The following PCDHGA3 variants were observed in gnomAD, a reference collection of about 807,000 sequenced individuals.
The protein encoded by PCDHGA3 is protocadherin gamma subfamily A, 3.
PCDHGA3 carries 40 observed loss-of-function variants against 58.5 expected under a neutral mutation model. That is an observed-to-expected ratio of 0.68 (90% confidence interval 0.53 to 0.89). The LOEUF (loss-of-function observed/expected upper bound fraction) is 0.89, where lower values mean the gene tolerates loss of function less well. Among genes scored for constraint, PCDHGA3 ranks in the 40% least tolerant of loss-of-function variants. PCDHGA3 has a pLI of 0.00. For synonymous variants in PCDHGA3, 530 were observed against 525.7 expected (o/e 1.01, Z -0.11); for missense variants, 1,223 against 1,195.9 (o/e 1.02, Z -0.33).
At position 141,492,010 on chromosome 5, in the gene PCDHGA3, G is replaced by A. The variant is rs2099736138; in HGVS notation, c.2425-2797G>A. 2 of 617,370 alleles carry A rather than the reference G, an allele frequency of 3.2e-6. 1 individual carries two copies. Among genetic ancestry groups the A allele is most frequent in the Middle Eastern group, 8.7e-4 (2 of 2,312 alleles). The allele number at this position is 617,370 out of a possible 1,614,324, so 38.2% of individuals were successfully genotyped here. On this transcript the variant is annotated intron_variant, in intron 1 of 3. Transcript: ENST00000253812. Reference sequence around the variant, plus strand: ...GGTGAATTTCGGGCGATTTCCGCGGGTGTCGGGGGTCCCGGGAGGAGGCAG... The same window carrying A: ...GGTGAATTTCGGGCGATTTCCGCGGATGTCGGGGGTCCCGGGAGGAGGCAG...
intron 1 of PCDHGA3, among the ~76,000 whole-genome samples, chr5:141,445,544 T>C (rs1223868698): frequency 6.6e-6 from 1 of 152,126 alleles, no homozygotes; most frequent in Non-Finnish European, 1.5e-5. Context: ...CAAGGAGAAA[T>C]ACAAAAGCAC....
At chr5:141,492,448 G>T (rs2734874) in intron 1 of PCDHGA3, among the ~76,000 whole-genome samples, 50 of 152,334 alleles carry the variant, frequency 3.3e-4, no homozygotes, top group African/African-American at 1.2e-3. Context: ...GTAGCTGATT[G>T]TGCGCGCCTG....
chr5:141,481,868 C>A (rs983373194), intron 1 of PCDHGA3, among the ~76,000 whole-genome samples: 4 of 147,412 alleles, frequency 2.7e-5, no homozygotes, highest in African/African-American at 1.0e-4. Flanking sequence ...GAGCCGAGAT[C>A]GCGCCACTGC....
rs114492681 is a variant in PCDHGA3, at chr5:141,408,401, C to A, written c.2424+61944C>A. 1.5e-3 allele frequency: 2,364 copies of A among 1,614,010 alleles called. 32 individuals are homozygous for A. The African/African-American group carries it at 0.028, about 19-fold the overall frequency. On this transcript the variant is annotated intron_variant, in intron 1 of 3. Coordinates refer to ENST00000253812, the MANE Select transcript of PCDHGA3 (RefSeq NM_018916.4). ...CCTGGATGTGTCGGCTCGCAAGCTG[C>A]GAGTGAGCGCGGAGAAGCTGCACTT...
rs758673205 is a variant in PCDHGA3, at chr5:141,376,309, CGT to C, written c.2424+29854_2424+29855del. The C allele has an allele frequency of 7.2e-5, 117 of 1,614,148 alleles. No homozygotes were observed. The South Asian group carries it at 1.3e-3, about 17-fold the overall frequency. ...GCATGCCCGGCTCGCACTTTGTGGG[CGT>C]GGAAGGGGTTCGGGCTTTCCTGCAG... On this transcript the variant is annotated intron_variant, in intron 1 of 3. Coordinates refer to ENST00000253812, the MANE Select transcript of PCDHGA3 (RefSeq NM_018916.4).
intron 1 of PCDHGA3, chr5:141,350,441 A>G (rs754364956): frequency 1.9e-6 from 3 of 1,610,584 alleles, no homozygotes; most frequent in Non-Finnish European, 2.5e-6. Context: ...GGAGTTGCCA[A>G]CTCGAAAACT....
intron 1 of PCDHGA3, chr5:141,411,017 A>C (rs140607036): frequency 6.2e-6 from 1 of 162,372 alleles, no homozygotes; most frequent in Non-Finnish European, 1.3e-5. Context: ...CCACAGCTAA[A>C]TTTTTTGTAT....
chr5:141,387,303 A>C (rs563124332), intron 1 of PCDHGA3, among the ~76,000 whole-genome samples: 1 of 152,334 alleles, frequency 6.6e-6, no homozygotes, highest in East Asian at 1.9e-4. Context: ...TATCCAGTAT[A>C]TTTCTAATGA....
At position 141,343,954 on chromosome 5, in the gene PCDHGA3, C is replaced by T; in HGVS notation, c.-80C>T. On this transcript the variant is annotated 5_prime_UTR_variant, in exon 1 of 4. Transcript: ENST00000253812. ...TGTGAATTAGGCCCGTAAAAGACTTCGTTTCTTGAGAAAATAAGATTGGAG... is the reference window on the plus strand; with the variant it reads ...TGTGAATTAGGCCCGTAAAAGACTTTGTTTCTTGAGAAAATAAGATTGGAG... 2 of 1,327,930 alleles carry T rather than the reference C, an allele frequency of 1.5e-6. No individual in the cohort carries two copies. Among genetic ancestry groups the T allele is most frequent in the Non-Finnish European group, 2.0e-6 (2 of 979,488 alleles). 82.3% of individuals were successfully genotyped at this position (1,327,930 alleles called of 1,614,324 possible).
At chr5:141,428,400 G>C (rs373595231) in intron 1 of PCDHGA3, 4 of 483,290 alleles carry the variant, frequency 8.3e-6, no homozygotes, top group African/African-American at 2.0e-5. Flanking sequence ...CCTCTGCCTG[G>C]GGTTGCTTTC....
At chr5:141,387,385 T>C (rs998102373) in intron 1 of PCDHGA3, among the ~76,000 whole-genome samples, 4 of 152,206 alleles carry the variant, frequency 2.6e-5, no homozygotes, top group African/African-American at 9.6e-5. Flanking sequence ...TTTATATAGA[T>C]AGTGCATGTT....
intron 1 of PCDHGA3, among the ~76,000 whole-genome samples, chr5:141,460,653 GT>G (rs2098994590): frequency 6.6e-6 from 1 of 151,844 alleles, no homozygotes; most frequent in Admixed American, 6.6e-5. Context: ...TTACACATAT[GT>G]AACTGTAAAC....
At chr5:141,502,216 A>G (rs957759583) in intron 2 of PCDHGA3, among the ~76,000 whole-genome samples, 3 of 152,334 alleles carry the variant, frequency 2.0e-5, no homozygotes, top group Admixed American at 6.5e-5. Context: ...GCAGATTTTC[A>G]TAAATGTTCT....
chr5:141,406,288 G>A (rs72790038), intron 1 of PCDHGA3, among the ~76,000 whole-genome samples: 9,719 of 151,928 alleles, frequency 0.064, 366 homozygotes, highest in African/African-American at 0.1. Context: ...CCAAAGCACT[G>A]GGTGAGGTGT....
chr5:141,383,695 G>T (rs373055594), intron 1 of PCDHGA3: 1 of 1,613,974 alleles, frequency 6.2e-7, no homozygotes, highest in Non-Finnish European at 8.5e-7. Context: ...CACGGTACAT[G>T]CTATCGACCT....
chr5:141,408,379 G>T (rs2095093592), intron 1 of PCDHGA3: 13 of 1,613,914 alleles, frequency 8.1e-6, no homozygotes, highest in Non-Finnish European at 1.1e-5. Context: ...TCAGTGTCCT[G>T]GATGTGTCGG....
At position 141,431,954 on chromosome 5, in the gene PCDHGA3, G is replaced by A. The variant is rs912037044; in HGVS notation, c.2425-62853G>A. 6.2e-7 allele frequency: 1 copy of A among 1,613,992 alleles called. No individual in the cohort carries two copies. Among genetic ancestry groups the A allele is most frequent in the African/African-American group, 1.3e-5 (1 of 74,896 alleles). ...GCCCTTTAAATTAGAAAAATCTTAC[G>A]GAAATTACTATAGTTTAGTCACAGA... is the stretch of plus-strand genomic sequence containing the variant. On this transcript the variant is annotated intron_variant, in intron 1 of 3. Coordinates refer to ENST00000253812, the MANE Select transcript of PCDHGA3 (RefSeq NM_018916.4). This position sits in a 1 kb window ranked among gnomAD's most constrained non-coding sequence, Gnocchi z 4.8.
At chr5:141,436,239 G>T (rs1426798903) in intron 1 of PCDHGA3, among the ~76,000 whole-genome samples, 2 of 152,012 alleles carry the variant, frequency 1.3e-5, no homozygotes, top group South Asian at 2.1e-4. Flanking sequence ...AAGCTAACAT[G>T]GTCTAATTAT....
At chr5:141,426,621 C>G (rs984316174) in intron 1 of PCDHGA3, 1 of 392,280 alleles carries the variant, frequency 2.5e-6, no homozygotes, top group Non-Finnish European at 5.2e-6. Flanking sequence ...AGAGAATCCT[C>G]TAAATGTTTT....
Sources: gnomAD v4.1 joint callset for allele counts (sites outside exome capture counted in the v4.1 genomes callset) on GRCh38, gnomAD v4.1.1 for gene constraint, Gnocchi (gnomAD v3.1) non-coding constraint, MANE v1.5 for transcripts, NCBI Gene and HGNC (gene_info 2026-07-23, HGNC 2026-07-21) for gene names.